PTPN12: variants seen among roughly 807,000 people sequenced by gnomAD.
PTPN12 encodes the protein tyrosine-protein phosphatase non-receptor type 12.
PTPN12 carries 29 observed loss-of-function variants against 97.6 expected under a neutral mutation model. That is an observed-to-expected ratio of 0.30 (90% CI 0.22 to 0.41). PTPN12 has a LOEUF of 0.41. Ranked by LOEUF, PTPN12 falls within the 10% of genes least tolerant of loss-of-function variation. PTPN12 has a pLI of 1.00. For missense variants in PTPN12, 819 were observed against 926.0 expected, an observed-to-expected ratio of 0.88 and a Z score of 1.50; for synonymous variants, 327 against 300.4, an observed-to-expected ratio of 1.09 and a Z score of -0.91.
chr7:77,538,654 A>C (rs1806791406), intron 1 of PTPN12: 2 of 151,956 alleles, frequency 1.3e-5, no homozygotes, highest in Admixed American at 6.6e-5. Context: ...GCTTTAGCAC[A>C]CTGTGAGGGG....
At chr7:77,578,156 T>G (rs1787397334) in intron 2 of PTPN12, among the ~76,000 whole-genome samples, 1 of 152,212 alleles carries the variant, frequency 6.6e-6, no homozygotes, top group Non-Finnish European at 1.5e-5. Context: ...AACCAGCTAT[T>G]GTATTCTGCC....
chr7:77,590,409 A>C (rs1265568576), intron 5 of PTPN12, among the ~76,000 whole-genome samples: 1 of 152,134 alleles, frequency 6.6e-6, no homozygotes, highest in Admixed American at 6.6e-5. Flanking sequence ...TTAAACTCTC[A>C]AAAATAATTT....
chr7:77,610,550 G>T (rs1007003297), intron 9 of PTPN12, among the ~76,000 whole-genome samples: 1 of 152,142 alleles, frequency 6.6e-6, no homozygotes, highest in Non-Finnish European at 1.5e-5. Context: ...TCATACTTTG[G>T]CTGGACATAA....
At chr7:77,631,585 C>T (rs1003628741) in intron 13 of PTPN12, among the ~76,000 whole-genome samples, 3 of 152,156 alleles carry the variant, frequency 2.0e-5, no homozygotes, top group Admixed American at 6.5e-5. Context: ...ATCAAATACA[C>T]TCATTTACCT....
chr7:77,621,660 G>T (rs1477813071), intron 12 of PTPN12, among the ~76,000 whole-genome samples: 2 of 147,612 alleles, frequency 1.4e-5, no homozygotes, highest in East Asian at 1.9e-4. Flanking sequence ...GACAGAGCGA[G>T]ACTCCATCTC....
chr7:77,564,757 T>TG (rs983026802), intron 1 of PTPN12, among the ~76,000 whole-genome samples: 24 of 92,436 alleles, frequency 2.6e-4, no homozygotes, highest in African/African-American at 9.3e-4. Context: ...TTTTTTTTTT[T>TG]TTTTTTTTTT....
At chr7:77,543,022 TC>T (rs952999948) in intron 1 of PTPN12, among the ~76,000 whole-genome samples, 2 of 151,916 alleles carry the variant, frequency 1.3e-5, no homozygotes, top group African/African-American at 4.8e-5. Flanking sequence ...TAGTGATTGT[TC>T]CTGAGAAGGT....
rs546026486 is a variant in PTPN12 at position 77,615,879 on chromosome 7, G to A, written c.940-2601G>A. Among the ~76,000 whole-genome samples, 113 of 152,332 alleles carry A rather than the reference G, an allele frequency of 7.4e-4. 2 individuals carry two copies. Among genetic ancestry groups the A allele is most frequent in the African/African-American group, 2.2e-3 (91 of 41,576 alleles). On this transcript the variant is annotated intron_variant, in intron 11 of 17. Coordinates refer to ENST00000248594, the MANE Select transcript of PTPN12 (RefSeq NM_002835.4). Reference sequence around the variant, plus strand: ...TAACTAGGAAATCCAAGAACATTGTGAAGTCCAGTGACCAGGAGGTTTTGT... The same window carrying A: ...TAACTAGGAAATCCAAGAACATTGTAAAGTCCAGTGACCAGGAGGTTTTGT...
intron 7 of PTPN12, 123 bp from the exon 8 acceptor site, chr7:77,600,541 G>GT (rs1178559864): frequency 1.3e-5 from 10 of 765,336 alleles, no homozygotes; most frequent in African/African-American, 8.8e-5. Context: ...ATTTATTTGG[G>GT]TTTTTTTAAA....
At chr7:77,602,264 T>G (rs896710680) in intron 8 of PTPN12, among the ~76,000 whole-genome samples, 1 of 152,192 alleles carries the variant, frequency 6.6e-6, no homozygotes, top group African/African-American at 2.4e-5. Context: ...TCTAACATTT[T>G]GGCTTATTTC....
chr7:77,558,638 C>T (rs1807840208), intron 1 of PTPN12, among the ~76,000 whole-genome samples: 1 of 152,172 alleles, frequency 6.6e-6, no homozygotes, highest in East Asian at 1.9e-4. Context: ...ACAATGTTAT[C>T]CCTTGGCTGG....
chr7:77,609,647 G>A (rs1241283153), intron 9 of PTPN12, among the ~76,000 whole-genome samples: 11 of 151,884 alleles, frequency 7.2e-5, no homozygotes, highest in African/African-American at 2.7e-4. Flanking sequence ...TCGGGAAGCC[G>A]AGGCGGGCGG....
At chr7:77,547,795 G>C (rs927283336) in intron 1 of PTPN12, among the ~76,000 whole-genome samples, 10 of 152,276 alleles carry the variant, frequency 6.6e-5, no homozygotes, top group Middle Eastern at 3.4e-3. Flanking sequence ...GGTGAACTAG[G>C]TGAGTAAAAG....
rs780032407 is a variant in PTPN12 at position 77,626,776 on chromosome 7, T to G, written c.1097T>G (p.Leu366Trp). The G allele has an allele frequency of 3.1e-6, 5 of 1,613,828 alleles. No homozygotes were observed. The highest frequency in any genetic ancestry group is 4.2e-6 in the Non-Finnish European group (5 of 1,179,890). The change falls in exon 13 of 18, where the codon TTG (leucine) becomes TGG (tryptophan). Residue 366 changes from leucine to tryptophan, a missense_variant. By Grantham distance (61) the Leu-to-Trp change is moderately conservative. This residue lies in a region of PTPN12 where 607 missense variants were observed against 577.3 expected (regional missense o/e 1.05). Coordinates refer to ENST00000248594, the MANE Select transcript of PTPN12 (RefSeq NM_002835.4). ...GAACCTCATCCAGTGCCACCCATCT[T>G]GACACCTTCTCCCCCTTCAGCTTTT... is the stretch of plus-strand genomic sequence containing the variant. ...PPEPHPVPPI[L>W]TPSPPSAFPT...
At chr7:77,606,518 T>A (rs758786676) in intron 8 of PTPN12, among the ~76,000 whole-genome samples, 1 of 152,046 alleles carries the variant, frequency 6.6e-6, no homozygotes, top group Non-Finnish European at 1.5e-5. Flanking sequence ...TGCCTTGGCC[T>A]CCCAAAGTGC....
chr7:77,600,678 G>A lies in PTPN12; in HGVS notation c.567G>A (p.Leu189=), dbSNP rs753629560. 1 of 1,602,930 alleles carries A rather than the reference G, an allele frequency of 6.2e-7. No homozygotes were observed. The highest frequency in any genetic ancestry group is 8.5e-7 in the Non-Finnish European group (1 of 1,176,632). The change falls in exon 8 of 18, where the codon CTG becomes CTA. Residue 189 remains leucine, a synonymous_variant. Transcript: ENST00000248594. The stretch of plus-strand genomic sequence containing the variant: ...TTTTCTTGAAGGAATCTCGTAGGCT[G>A]TATCAGTTTCATTATGTGAACTGGC... The part of the protein sequence containing the change: ...LLEFQNESRR[L]YQFHYVNWPD...
chr7:77,601,619 T>G (rs1465687553), intron 8 of PTPN12, among the ~76,000 whole-genome samples: 1 of 152,130 alleles, frequency 6.6e-6, no homozygotes, highest in Non-Finnish European at 1.5e-5. Context: ...AAAAAATCAC[T>G]GCCAATTATA....
intron 5 of PTPN12, among the ~76,000 whole-genome samples, chr7:77,590,873 TAAA>T (rs763268073): frequency 7.0e-6 from 1 of 142,010 alleles, no homozygotes; most frequent in Non-Finnish European, 1.5e-5. Flanking sequence ...CTCCATCTAT[TAAA>T]AAAAAAAAAA....
At chr7:77,621,619 A>G (rs1788941797) in intron 12 of PTPN12, among the ~76,000 whole-genome samples, 1 of 152,154 alleles carries the variant, frequency 6.6e-6, no homozygotes, top group Non-Finnish European at 1.5e-5. Context: ...CAGTGAGCCA[A>G]GATTGCACCA....
Sources: gnomAD v4.1 joint callset for allele counts (sites outside exome capture counted in the v4.1 genomes callset) on GRCh38, gnomAD v4.1.1 for gene constraint, gnomAD v4.1.1 regional missense constraint, MANE v1.5 for transcripts, NCBI Gene and HGNC (gene_info 2026-07-23, HGNC 2026-07-21) for gene names.